The following CROCC variants were observed in gnomAD, a reference collection of about 807,000 sequenced individuals.
CROCC encodes the protein ciliary rootlet coiled-coil, rootletin, also known as rootletin.
Under a neutral mutation model 245.2 loss-of-function variants are expected in CROCC, and 180 were observed. The ratio of observed to expected loss-of-function variants is 0.73; its 90% CI spans 0.65 to 0.83. The LOEUF (loss-of-function observed/expected upper bound fraction) is 0.83. Among genes scored for constraint, CROCC ranks in the 40% least tolerant of loss-of-function variants. The pLI is 0.00. For synonymous variants in CROCC, 1,205 were observed against 1,241.6 expected, an observed-to-expected ratio of 0.97 and a Z score of 0.62; for missense variants, 2,688 against 2,779.4, an observed-to-expected ratio of 0.97 and a Z score of 0.74.
rs558782208 is a variant in CROCC, at chr1:16,969,700, C to T, written c.5302-85C>T. On this transcript the variant is annotated intron_variant, in intron 32 of 36. Transcript: ENST00000375541. The stretch of plus-strand genomic sequence containing the variant: ...GTGAGATGACTGCCTGTTTTATGCT[C>T]TGTGGACCTGTCCAGAGGTACAGAA... 2.5e-5 allele frequency: 38 copies of T among 1,518,516 alleles called. No individual in the cohort carries two copies. The East Asian group carries it at 2.9e-4, about 12-fold the overall frequency. 94.1% of individuals were successfully genotyped at this position (1,518,516 alleles called of 1,614,324 possible).
At chr1:16,971,357 T>A in intron 35 of CROCC, 108 bp from the exon 36 acceptor site, 1 of 1,406,266 alleles carries the variant, frequency 7.1e-7, no homozygotes. Flanking sequence ...CTCTCCTGCC[T>A]TCCCCCTCTG....
intron 27 of CROCC, among the ~76,000 whole-genome samples, chr1:16,965,093 G>A (rs1271902802): frequency 6.6e-6 from 1 of 152,266 alleles, no homozygotes; most frequent in Non-Finnish European, 1.5e-5. Flanking sequence ...GGGATTACAG[G>A]TGTGAGCCAC....
intron 27 of CROCC, among the ~76,000 whole-genome samples, chr1:16,964,280 G>A (rs2076383721): frequency 6.6e-6 from 1 of 150,898 alleles, no homozygotes; most frequent in Non-Finnish European, 1.5e-5. Flanking sequence ...CAGGTAGCTG[G>A]GACTATAAGC....
rs57600976 is a variant in CROCC at position 16,972,633 on chromosome 1, A to G, written c.*187A>G. 10,679 of 528,770 alleles carry G rather than the reference A, an allele frequency of 0.02. 948 individuals carry two copies. The highest frequency in any genetic ancestry group is 0.19 in the African/African-American group (9,433 of 50,334). The allele number at this position is 528,770 out of a possible 1,614,324, so 32.8% of individuals were successfully genotyped here. A position where few individuals can be genotyped will look rare whatever the true frequency, so the allele number is the denominator to read the frequency against. On this transcript the variant is annotated 3_prime_UTR_variant, in exon 37 of 37. Transcript: ENST00000375541. ...AGGCCTGGAGAGGCTTCCCAGCAAC[A>G]CCTGCAGTCCAGCCCCCCTCTTCTA... is the stretch of plus-strand genomic sequence containing the variant.
Position 16,921,975 on chromosome 1 carries a change from G to T in CROCC, c.-44G>T. On this transcript the variant is annotated 5_prime_UTR_variant, in exon 1 of 37. Transcript: ENST00000375541. Reference sequence around the variant, plus strand: ...GCGTGCTGACTGAGCTAGTCTTGGGGTCCTGGAGAAGGGGGCTGGAGGCAT... The same window carrying T: ...GCGTGCTGACTGAGCTAGTCTTGGGTTCCTGGAGAAGGGGGCTGGAGGCAT... 1 of 1,522,226 alleles carries T rather than the reference G, an allele frequency of 6.6e-7. No individual in the cohort carries two copies. The highest frequency in any genetic ancestry group is 1.2e-5 in the South Asian group (1 of 83,356). The allele number at this position is 1,522,226 out of a possible 1,614,324, so 94.3% of individuals were successfully genotyped here.
intron 7 of CROCC, 98 bp downstream of exon 7, chr1:16,930,692 G>GTCCGAGGGAGTACTC (rs59048025): frequency 4.4e-6 from 6 of 1,355,360 alleles, no homozygotes; most frequent in Non-Finnish European, 6.0e-6. Flanking sequence ...AGGGAGCACT[G>GTCCGAGGGAGTACTC]TCCAAGGGAG....
rs893041345 is a variant in CROCC at position 16,954,429 on chromosome 1, G to C, written c.3321+72G>C. The C allele has an allele frequency of 6.6e-5, 102 of 1,540,376 alleles. No individual in the cohort carries two copies. The highest frequency in any genetic ancestry group is 4.4e-4 in the Middle Eastern group (2 of 4,572). Reference sequence around the variant, plus strand: ...TCCCTGGCTGAGGAGCCCCCACCACGGGGCGGCATGGCCCTGTCCTGGAGA... The same window carrying C: ...TCCCTGGCTGAGGAGCCCCCACCACCGGGCGGCATGGCCCTGTCCTGGAGA... On this transcript the variant is annotated intron_variant, in intron 22 of 36. Transcript: ENST00000375541. The surrounding 1 kb of genome is among the most constrained non-coding windows in gnomAD (Gnocchi z 4.4).
At chr1:16,925,068 G>A (rs916944133) in intron 3 of CROCC, among the ~76,000 whole-genome samples, 1 of 152,286 alleles carries the variant, frequency 6.6e-6, no homozygotes, top group Non-Finnish European at 1.5e-5. Flanking sequence ...TGTGGGGCGG[G>A]AGCTGGGTGT....
chr1:16,942,299 C>A (rs1319076116), intron 13 of CROCC, among the ~76,000 whole-genome samples: 8 of 152,236 alleles, frequency 5.3e-5, no homozygotes, highest in Admixed American at 5.2e-4. Flanking sequence ...CGCCAGGCAC[C>A]CTGAAGATTT....
chr1:16,963,186 A>G (rs1225428397), intron 27 of CROCC, among the ~76,000 whole-genome samples: 1 of 85,020 alleles, frequency 1.2e-5, no homozygotes, highest in Non-Finnish European at 2.4e-5. Context: ...TCCGTCTCAG[A>G]AAAAAAAAAA....
At chr1:16,960,734 C>G (rs772344916) in intron 26 of CROCC, 24 bp from the exon 27 acceptor site, 1 of 1,486,088 alleles carries the variant, frequency 6.7e-7, no homozygotes. Flanking sequence ...TCTTGCCGAC[C>G]TCCACCTCCT....
In CROCC at chr1:16,935,227, G is replaced by T. The variant is rs536381808; in HGVS notation, c.957-1410G>T. ...TCAGTTTCTTAAGTGACCTTCCAGG[G>T]TTATCTTACATAATCAAATAAAGCA... On this transcript the variant is annotated intron_variant, in intron 8 of 36. Transcript: ENST00000375541. 2.6e-5 allele frequency among the ~76,000 whole-genome samples: 4 copies of T among 152,300 alleles called. No individual in the cohort carries two copies. The South Asian group carries it at 8.3e-4, about 32-fold the overall frequency.
At chr1:16,971,012 G>T in intron 35 of CROCC, 1 of 465,532 alleles carries the variant, frequency 2.1e-6, no homozygotes, top group Non-Finnish European at 3.8e-6. Flanking sequence ...GCAGCAGTGT[G>T]AGAATCCATG....
At chr1:16,969,960 G>T (rs1213554003) in intron 33 of CROCC, 26 bp downstream of exon 33, 2 of 1,559,996 alleles carry the variant, frequency 1.3e-6, no homozygotes, top group Admixed American at 1.9e-5. Flanking sequence ...TGCCCCCTCT[G>T]TCCCCAAGAC....
Position 16,968,217 on chromosome 1 carries a change from G to T in CROCC, c.4875G>T (p.Lys1625Asn). The T allele has an allele frequency of 7.7e-6, 12 of 1,565,526 alleles. No individual in the cohort carries two copies. The highest frequency in any genetic ancestry group is 1.0e-5 in the Non-Finnish European group (12 of 1,156,516). Residue 1625 changes from lysine (K) to asparagine (N), a missense_variant, in exon 31 of 37, where the codon AAG (lysine) becomes AAT (asparagine). Coordinates refer to ENST00000375541, the MANE Select transcript of CROCC (RefSeq NM_014675.5). ...GCCACCTGCAGGAGAAGATCAGCAA[G>T]ATGAAGGCCAATGAGACAAAGCTGG... The part of the protein sequence containing the change: ...ELRASQEKIS[K>N]MKANETKLEG...
At chr1:16,970,568 T>A in intron 34 of CROCC, 68 bp from the exon 35 acceptor site, 5 of 1,478,442 alleles carry the variant, frequency 3.4e-6, no homozygotes, top group Non-Finnish European at 4.5e-6. Context: ...TCCATCAGGG[T>A]TCAGGAACCT....
chr1:16,965,126 C>G (rs995031606), intron 27 of CROCC, among the ~76,000 whole-genome samples: 1 of 152,230 alleles, frequency 6.6e-6, no homozygotes, highest in African/African-American at 2.4e-5. Flanking sequence ...ACAGAACAAG[C>G]AAATCACTTA....
At position 16,948,353 on chromosome 1, in the gene CROCC, G is replaced by A. The variant is rs774124963; in HGVS notation, c.2537G>A (p.Arg846Gln). Residue 846 changes from arginine to glutamine, a missense_variant, in exon 18 of 37, where the codon CGG becomes CAG. Physicochemically the swap from Arg to Gln is conservative, Grantham distance 43. Coordinates refer to ENST00000375541, the MANE Select transcript of CROCC (RefSeq NM_014675.5). ...LAQLSRQLSG[R>Q]EQELEQARRE... ...CAGCTCTCCCGGCAGCTGAGCGGGC[G>A]GGAGCAGGAGCTGGAGCAGGCCCGG... is the stretch of plus-strand genomic sequence containing the variant. 133 of 1,577,836 alleles carry A rather than the reference G, an allele frequency of 8.4e-5. No individual in the cohort carries two copies. The highest frequency in any genetic ancestry group is 7.0e-4 in the Admixed American group (39 of 55,734).
At chr1:16,921,126 T>C (rs1297248732), upstream of CROCC, among the ~76,000 whole-genome samples, 1 of 152,280 alleles carries the variant, frequency 6.6e-6, no homozygotes, top group East Asian at 1.9e-4. Context: ...CACCATGTCA[T>C]GTGCTGGGTA....
Sources: allele counts gnomAD v4.1 joint callset (sites outside exome capture counted in the v4.1 genomes callset), GRCh38; gene constraint gnomAD v4.1.1; non-coding constraint Gnocchi (gnomAD v3.1); transcripts MANE v1.5; gene names NCBI Gene and HGNC (gene_info 2026-07-23, HGNC 2026-07-21).